DMD: variants seen among roughly 807,000 people sequenced by gnomAD.
The protein encoded by DMD is dystrophin.
DMD carries 63 observed loss-of-function variants against 330.1 expected under a neutral mutation model. The observed-to-expected ratio is 0.19, with a 90% CI of 0.16 to 0.24. DMD has a LOEUF of 0.24. Ranked by LOEUF, DMD falls within the 10% of genes least tolerant of loss-of-function variation. DMD has a pLI of 1.00. For synonymous variants in DMD, 1,223 were observed against 959.8 expected, an observed-to-expected ratio of 1.27 and a Z score of -5.07; for missense variants, 3,344 against 2,684.1, an observed-to-expected ratio of 1.25 and a Z score of -5.43.
At chrX:31,400,506 T>G (rs1447661605) in intron 60 of DMD, among the ~76,000 whole-genome samples, 1 of 111,591 alleles carries the variant, frequency 9.0e-6, no homozygotes, top group Non-Finnish European at 1.9e-5. Context: ...ATTCTCAACC[T>G]TGGCAAAATA....
chrX:32,966,794 T>A (rs1170083082), intron 2 of DMD, among the ~76,000 whole-genome samples: 1 of 111,917 alleles, frequency 8.9e-6, no homozygotes, highest in Non-Finnish European at 1.9e-5. Flanking sequence ...AAGCATCCAA[T>A]CACAGAGCTA....
chrX:32,543,111 T>C (rs764589047), intron 17 of DMD, among the ~76,000 whole-genome samples: 1 of 111,948 alleles, frequency 8.9e-6, no homozygotes, highest in African/African-American at 3.2e-5. Flanking sequence ...GAAAAATACA[T>C]GCGATGCCAA....
intron 52 of DMD, among the ~76,000 whole-genome samples, chrX:31,693,733 T>C (rs968038180): frequency 9.0e-6 from 1 of 111,547 alleles, no homozygotes; most frequent in Non-Finnish European, 1.9e-5. Context: ...AAGTGAAAGA[T>C]CTGCGTGTTG....
intron 29 of DMD, among the ~76,000 whole-genome samples, chrX:32,419,357 A>G (rs752723659): frequency 8.9e-6 from 1 of 112,014 alleles, no homozygotes; most frequent in Non-Finnish European, 1.9e-5. Context: ...TTCCTAAAGA[A>G]AGGAGGTCTC....
intron 4 of DMD, among the ~76,000 whole-genome samples, chrX:32,829,179 G>T (rs753308661): frequency 9.0e-6 from 1 of 111,316 alleles, no homozygotes; most frequent in South Asian, 3.7e-4. Flanking sequence ...GAATTGTGGA[G>T]TTTTTTTCTT....
At chrX:33,170,666 T>C (rs754430283) in intron 1 of DMD, among the ~76,000 whole-genome samples, 1 of 111,978 alleles carries the variant, frequency 8.9e-6, no homozygotes, top group South Asian at 3.7e-4. Flanking sequence ...ATTTTTACAC[T>C]AAGTCTTCAA....
intron 43 of DMD, among the ~76,000 whole-genome samples, chrX:32,244,197 G>A (rs1436915797): frequency 1.0e-5 from 1 of 100,278 alleles, no homozygotes; most frequent in East Asian, 3.3e-4. Flanking sequence ...ACCTATGAGT[G>A]AGAATATGCA....
intron 2 of DMD, among the ~76,000 whole-genome samples, chrX:32,947,172 T>C (rs187949967): frequency 8.9e-6 from 1 of 112,093 alleles, no homozygotes; most frequent in Non-Finnish European, 1.9e-5. Flanking sequence ...ACACCAATAC[T>C]TATGAGGGAG....
At chrX:33,044,516 G>A (rs969031235) in intron 1 of DMD, among the ~76,000 whole-genome samples, 8 of 112,083 alleles carry the variant, frequency 7.1e-5, no homozygotes, top group Admixed American at 3.8e-4. Context: ...CCAGTAAGAT[G>A]CACATTGATT....
chrX:31,566,131 G>A (rs866329117), intron 55 of DMD, among the ~76,000 whole-genome samples: 2 of 111,684 alleles, frequency 1.8e-5, no homozygotes, highest in Non-Finnish European at 3.8e-5. Context: ...CAGTCCAACT[G>A]ATTTTTTTCT....
At chrX:31,387,243 T>C (rs1458692550) in intron 60 of DMD, among the ~76,000 whole-genome samples, 1 of 111,684 alleles carries the variant, frequency 9.0e-6, no homozygotes, top group Non-Finnish European at 1.9e-5. Context: ...AAAAGGCACA[T>C]TGACCTCAAA....
intron 67 of DMD, among the ~76,000 whole-genome samples, chrX:31,189,890 T>A (rs893150657): frequency 8.9e-5 from 10 of 112,774 alleles, no homozygotes; most frequent in African/African-American, 3.2e-4. Context: ...TGTCCAAAAT[T>A]TCCTTTATCG....
At chrX:32,503,362 C>A (rs902571737) in intron 18 of DMD, among the ~76,000 whole-genome samples, 8 of 112,014 alleles carry the variant, frequency 7.1e-5, no homozygotes, top group Non-Finnish European at 1.3e-4. Context: ...TGTACTCCAG[C>A]CTGGGCGACA....
intron 2 of DMD, among the ~76,000 whole-genome samples, chrX:32,920,231 AT>A (rs1391438362): frequency 2.7e-5 from 3 of 111,586 alleles, no homozygotes; most frequent in East Asian, 2.8e-4. Flanking sequence ...TATTATGTAC[AT>A]TTTTTAAACA....
At chrX:32,115,304 C>G (rs764651489) in intron 44 of DMD, among the ~76,000 whole-genome samples, 1 of 111,566 alleles carries the variant, frequency 9.0e-6, no homozygotes, top group African/African-American at 3.3e-5. Flanking sequence ...GGTGTGATCA[C>G]GGCTCACTGC....
At chrX:32,535,315 G>T (rs1029336842) in intron 17 of DMD, among the ~76,000 whole-genome samples, 66 of 111,666 alleles carry the variant, frequency 5.9e-4, no homozygotes, top group African/African-American at 2.1e-3. Flanking sequence ...TGTATTAGAG[G>T]GATATACATT....
intron 7 of DMD, among the ~76,000 whole-genome samples, chrX:32,774,895 A>G (rs1569517128): frequency 8.9e-6 from 1 of 112,046 alleles, no homozygotes; most frequent in South Asian, 3.7e-4. Context: ...TTCCAAGTCC[A>G]AAGTTTCATC....
rs1159317664 is a variant in DMD, at chrX:31,341,561, T to G, written c.9163+6995A>C. On this transcript the variant is annotated intron_variant, in intron 61 of 78. Coordinates refer to ENST00000357033, the MANE Select transcript of DMD (RefSeq NM_004006.3). ...AAAAATTTAGGTTATGTAAATCAACTTAGGATGGCCAAACGAAGAGGAATA... is the reference window on the plus strand; with the variant it reads ...AAAAATTTAGGTTATGTAAATCAACGTAGGATGGCCAAACGAAGAGGAATA... 2.7e-5 allele frequency among the ~76,000 whole-genome samples: 3 copies of G among 111,431 alleles called. No homozygotes were observed. In the East Asian group the frequency reaches 8.4e-4, roughly 31 times the overall value.
intron 7 of DMD, among the ~76,000 whole-genome samples, chrX:32,724,077 A>G (rs913641413): frequency 1.3e-4 from 14 of 111,963 alleles, no homozygotes; most frequent in African/African-American, 4.5e-4. Context: ...AATGATGACA[A>G]TTAGATTCGA....
Sources: allele counts gnomAD v4.1 joint callset (sites outside exome capture counted in the v4.1 genomes callset), GRCh38; gene constraint gnomAD v4.1.1; transcripts MANE v1.5; gene names NCBI Gene and HGNC (gene_info 2026-07-23, HGNC 2026-07-21).